The following FBXL18 variants were observed in gnomAD, a reference collection of about 807,000 sequenced individuals.
FBXL18 encodes the protein F-box and leucine rich repeat protein 18.
FBXL18 carries 36 observed loss-of-function variants against 46.0 expected under a neutral mutation model. The observed-to-expected ratio is 0.78, with a 90% CI of 0.60 to 1.03. FBXL18 has a LOEUF of 1.03. FBXL18 is among the 50% of genes least tolerant of loss of function. The pLI is 0.00. For missense variants in FBXL18, 977 were observed against 1,004.1 expected (o/e 0.97, Z 0.36); for synonymous variants, 557 against 465.3 (o/e 1.20, Z -2.54).
chr7:5,493,664 T>C (rs925720656), intron 3 of FBXL18, among the ~76,000 whole-genome samples: 11 of 108,878 alleles, frequency 1.0e-4, no homozygotes, highest in East Asian at 2.2e-4. Flanking sequence ...TTTGTGTGTG[T>C]GTGCGTGCGT....
chr7:5,511,203 A>C (rs1469020728), intron 1 of FBXL18, among the ~76,000 whole-genome samples: 2 of 151,890 alleles, frequency 1.3e-5, no homozygotes, highest in Non-Finnish European at 2.9e-5. Flanking sequence ...CTGGGAAGCC[A>C]AGGCAGGTGG....
chr7:5,463,733 T>TTTA, intron 4 of FBXL18, among the ~76,000 whole-genome samples: 1 of 23,164 alleles, frequency 4.3e-5, no homozygotes, highest in African/African-American at 1.5e-4. Context: ...TATTTATTTT[T>TTTA]TTTTTTTTTT....
chr7:5,511,875 T>C (rs932203483), intron 1 of FBXL18, among the ~76,000 whole-genome samples: 1 of 151,568 alleles, frequency 6.6e-6, no homozygotes, highest in African/African-American at 2.4e-5. Flanking sequence ...ATCCCAGCAA[T>C]TTGGGAGGCC....
chr7:5,494,743 G>C (rs1211823288), intron 3 of FBXL18, among the ~76,000 whole-genome samples: 1 of 152,200 alleles, frequency 6.6e-6, no homozygotes, highest in Non-Finnish European at 1.5e-5. Context: ...CCAGACAGCA[G>C]GAGATGGAAA....
At chr7:5,510,641 G>A (rs139638326) in intron 1 of FBXL18, among the ~76,000 whole-genome samples, 4,562 of 149,428 alleles carry the variant, frequency 0.031, 200 homozygotes, top group African/African-American at 0.098. Context: ...AGCCATGATC[G>A]CGCCACTGCA....
At chr7:5,475,052 C>T (rs906358763), downstream of FBXL18, among the ~76,000 whole-genome samples, 1 of 148,862 alleles carries the variant, frequency 6.7e-6, no homozygotes, top group Non-Finnish European at 1.5e-5. The surrounding 1 kb of genome is among the most constrained non-coding windows in gnomAD (Gnocchi z 4.2). Flanking sequence ...GGCCTGGTGG[C>T]TCACGCCTGT....
chr7:5,506,529 G>A (rs1784399746), intron 1 of FBXL18, among the ~76,000 whole-genome samples: 2 of 149,954 alleles, frequency 1.3e-5, no homozygotes, highest in African/African-American at 4.9e-5. Flanking sequence ...TGTTGGGATT[G>A]CAGGTGTGAG....
intron 2 of FBXL18, among the ~76,000 whole-genome samples, chr7:5,504,299 G>A (rs1403854255): frequency 1.3e-5 from 2 of 150,434 alleles, no homozygotes; most frequent in Non-Finnish European, 3.0e-5. Context: ...GCATGGTGGT[G>A]GGCACCTGTA....
chr7:5,484,602 TGGGACCACAGGCAC>T (rs1361856008), intron 4 of FBXL18, among the ~76,000 whole-genome samples: 3 of 151,108 alleles, frequency 2.0e-5, no homozygotes, highest in African/African-American at 7.3e-5. Flanking sequence ...AGCCAGTAGC[TGGGACCACAGGCAC>T]ACATCACCAC....
At chr7:5,502,824 C>T (rs1474220441) in intron 2 of FBXL18, among the ~76,000 whole-genome samples, 2 of 114,156 alleles carry the variant, frequency 1.8e-5, no homozygotes, top group East Asian at 6.0e-4. Flanking sequence ...AAGACTCCAT[C>T]TCAAAAAAGA....
chr7:5,463,728 A>ATTTTTTTTTTTTT lies in FBXL18; in HGVS notation c.2001-15898_2001-15886dup, dbSNP rs552002078. Among the ~76,000 whole-genome samples the ATTTTTTTTTTTTT allele has an allele frequency of 6.6e-4, 35 of 53,008 alleles. 2 individuals are homozygous for ATTTTTTTTTTTTT. The highest frequency in any genetic ancestry group is 1.3e-3 in the African/African-American group (16 of 12,562). The allele number at this position is 53,008 out of a possible 152,430, so 34.8% of individuals were successfully genotyped here. On this transcript the variant is annotated intron_variant and NMD_transcript_variant, in intron 4 of 6. Coordinates refer to the FBXL18 transcript ENST00000415009. ...TATTTATTTATTTATTTATTTATTTATTTTTTTTTTTTTTTTTTTTTTTTT... is the reference window on the plus strand; with the variant it reads ...TATTTATTTATTTATTTATTTATTTATTTTTTTTTTTTTTTTTTTTTTTTTTTTTTTTTTTTTT...
At chr7:5,467,684 C>T (rs1783363195) in intron 4 of FBXL18, among the ~76,000 whole-genome samples, 1 of 152,178 alleles carries the variant, frequency 6.6e-6, no homozygotes, top group Non-Finnish European at 1.5e-5. Flanking sequence ...CACAGCTCCG[C>T]CTCTGGGGTC....
In FBXL18 at chr7:5,491,435, T is replaced by C; in HGVS notation, c.1796A>G (p.Tyr599Cys). Residue 599 changes from tyrosine to cysteine, a missense_variant, in exon 4 of 5, where the codon TAC becomes TGC. By Grantham distance (194) the Tyr-to-Cys change is radical. Transcript: ENST00000382368. ...RLRDLRLEQPYFSANAQFFQA... is the reference protein window; with the variant it reads ...RLRDLRLEQPCFSANAQFFQA... ...GAAGAACTGGGCGTTGGCGCTGAAG[T>C]AGGGCTGCTCCAGCCTGCGGGGAGA... 1 of 1,588,382 alleles carries C rather than the reference T, an allele frequency of 6.3e-7. No homozygotes were observed. The highest frequency in any genetic ancestry group is 8.6e-7 in the Non-Finnish European group (1 of 1,168,920).
At chr7:5,467,460 C>T (rs1337369647) in intron 4 of FBXL18, among the ~76,000 whole-genome samples, 3 of 150,920 alleles carry the variant, frequency 2.0e-5, no homozygotes, top group African/African-American at 7.3e-5. Flanking sequence ...GCAGGAGAAT[C>T]ACTTGAACCT....
intron 4 of FBXL18, among the ~76,000 whole-genome samples, chr7:5,487,605 C>G (rs891079607): frequency 6.6e-6 from 1 of 152,238 alleles, no homozygotes; most frequent in African/African-American, 2.4e-5. Context: ...CTCTCGAAGA[C>G]TGTTTCTCCA....
downstream of FBXL18, among the ~76,000 whole-genome samples, chr7:5,471,580 T>G (rs995456672): frequency 3.3e-5 from 5 of 151,768 alleles, no homozygotes; most frequent in Admixed American, 6.6e-5. Context: ...CCGGCTAATT[T>G]TTTGTATTTT....
chr7:5,463,693 ACT>A (rs1783290271), intron 4 of FBXL18, among the ~76,000 whole-genome samples: 1 of 43,644 alleles, frequency 2.3e-5, no homozygotes, highest in African/African-American at 8.5e-5. Flanking sequence ...ATGCCCCTGA[ACT>A]ATATATATAT....
rs375100510 is a variant in FBXL18 at position 5,513,620 on chromosome 7, G to A, written c.18+37C>T. ...AGAACCCAGGGAGACCGAGGCCGCC[G>A]AGGCAGAAGCAGAGCGGAGACAGTC... On this transcript the variant is annotated intron_variant, in intron 1 of 4. Transcript: ENST00000382368. The A allele has an allele frequency of 1.2e-4, 190 of 1,611,120 alleles. 3 individuals are homozygous for A. In the South Asian group the frequency reaches 1.5e-3, roughly 13 times the overall value.
intron 4 of FBXL18, 69 bp downstream of exon 4, chr7:5,491,161 TG>T: frequency 1.4e-6 from 2 of 1,404,730 alleles, no homozygotes; most frequent in Admixed American, 2.0e-5. Flanking sequence ...CGGTGAAGGC[TG>T]GGGACCAGGT....
Sources: gnomAD v4.1 joint callset for allele counts (sites outside exome capture counted in the v4.1 genomes callset) on GRCh38, gnomAD v4.1.1 for gene constraint, Gnocchi (gnomAD v3.1) non-coding constraint, MANE v1.5 for transcripts, NCBI Gene and HGNC (gene_info 2026-07-23, HGNC 2026-07-21) for gene names.